DDX17: variants seen among roughly 807,000 people sequenced by gnomAD.
DDX17 encodes the protein DEAD-box helicase 17.
A neutral mutation model predicts 80.8 loss-of-function variants in DDX17; 10 were observed. The ratio of observed to expected loss-of-function variants is 0.12; its 90% confidence interval spans 0.08 to 0.21. The LOEUF (loss-of-function observed/expected upper bound fraction) is 0.21. Ranked by LOEUF, DDX17 falls within the 10% of genes least tolerant of loss-of-function variation. The pLI is 1.00. For synonymous variants in DDX17, 339 were observed against 336.2 expected, an observed-to-expected ratio of 1.01 and a Z score of -0.09; for missense variants, 586 against 957.4, an observed-to-expected ratio of 0.61 and a Z score of 5.12.
chr22:38,494,523 A>C, intron 8 of DDX17, 107 bp downstream of exon 8: 1 of 990,984 alleles, frequency 1.0e-6, no homozygotes, highest in Non-Finnish European at 1.5e-6. Context: ...CAATGCTTTT[A>C]ATGTTCTCAG....
intron 11 of DDX17, 103 bp from the exon 12 acceptor site, chr22:38,488,218 C>A: frequency 1.3e-6 from 2 of 1,598,246 alleles, no homozygotes; most frequent in Non-Finnish European, 1.7e-6. Context: ...CAGATGACAG[C>A]AAGAGGAAAG....
intron 10 of DDX17, 34 bp downstream of exon 10, chr22:38,493,676 G>A (rs370859271): frequency 1.3e-4 from 201 of 1,521,914 alleles, no homozygotes; most frequent in Non-Finnish European, 1.8e-4. Flanking sequence ...CAGGGGGTGG[G>A]GAATCAACAG....
rs201107229 is a variant in DDX17 at position 38,497,793 on chromosome 22, C to CA, written c.738+291dup. On this transcript the variant is annotated intron_variant, in intron 5 of 12. Transcript: ENST00000403230. ...AACACAAAAAATCAAAACAAAAAAA[C>CA]AAAAAAAACCACACCAAAACCAGAA... is the stretch of plus-strand genomic sequence containing the variant. Among the ~76,000 whole-genome samples, 216 of 150,996 alleles carry CA rather than the reference C, an allele frequency of 1.4e-3. 4 individuals carry two copies. In the East Asian group the frequency reaches 0.027, roughly 19 times the overall value.
intron 6 of DDX17, among the ~76,000 whole-genome samples, chr22:38,495,402 C>T (rs141033686): frequency 1.5e-3 from 223 of 152,228 alleles, no homozygotes; most frequent in Non-Finnish European, 2.6e-3. Flanking sequence ...CCTGCCACCA[C>T]GCCTGGCTAA....
At chr22:38,495,444 A>G (rs990897978) in intron 6 of DDX17, among the ~76,000 whole-genome samples, 4 of 151,994 alleles carry the variant, frequency 2.6e-5, no homozygotes, top group Non-Finnish European at 5.9e-5. Context: ...ACGGGGTTTC[A>G]CCATGTTAGC....
At chr22:38,490,100 T>G in intron 11 of DDX17, 1 of 1,115,104 alleles carries the variant, frequency 9.0e-7, no homozygotes, top group Non-Finnish European at 1.1e-6. Flanking sequence ...GTGTCCTGTG[T>G]GTGCATGCAC....
At chr22:38,501,066 A>G (rs569869664) in intron 2 of DDX17, 64 bp downstream of exon 2, 1 of 1,546,566 alleles carries the variant, frequency 6.5e-7, no homozygotes, top group African/African-American at 1.4e-5. Flanking sequence ...CGTATGAATA[A>G]ACTCTAACCA....
At position 38,484,402 on chromosome 22, in the gene DDX17, C is replaced by T. The variant is rs1438190543; in HGVS notation, c.*1533G>A. The T allele has an allele frequency of 6.6e-6, 1 of 152,212 alleles. No individual in the cohort carries two copies. Among genetic ancestry groups the T allele is most frequent in the Admixed American group, 6.5e-5 (1 of 15,290 alleles). The allele number at this position is 152,212 out of a possible 1,614,324, so 9.4% of individuals were successfully genotyped here. A position where few individuals can be genotyped will look rare whatever the true frequency, so the allele number is the denominator to read the frequency against. The stretch of plus-strand genomic sequence containing the variant: ...TTTCAGAACCCCTCAGAAACCATCC[C>T]TCTCTCCCTAAAGAATTTTAAAAGG... On this transcript the variant is annotated 3_prime_UTR_variant, in exon 13 of 13. Coordinates refer to ENST00000403230, the MANE Select transcript of DDX17 (RefSeq NM_006386.5).
rs375397274 is a variant in DDX17 at position 38,494,068 on chromosome 22, C to T, written c.1278G>A (p.Glu426=). 1 of 1,614,082 alleles carries T rather than the reference C, an allele frequency of 6.2e-7. No homozygotes were observed. Among genetic ancestry groups the T allele is most frequent in the African/African-American group, 1.3e-5 (1 of 75,046 alleles). ...TCAGATCATCACAGCGTCTCTTTGT[C>T]TCCACAAATATTATTGTTTTGTTTT... Residue 426 remains glutamate, a synonymous_variant, in exon 9 of 13, where the codon GAG becomes GAA. Coordinates refer to ENST00000403230, the MANE Select transcript of DDX17 (RefSeq NM_006386.5).
intron 10 of DDX17, 52 bp from the exon 11 acceptor site, chr22:38,492,167 T>C (rs746050335): frequency 6.8e-7 from 1 of 1,473,408 alleles, no homozygotes; most frequent in Non-Finnish European, 9.4e-7. Context: ...TGCTATCTGA[T>C]CTGTTTACAT....
chr22:38,498,656 GAAGAT>G (rs2089794008), intron 3 of DDX17, 83 bp from the exon 4 acceptor site: 3 of 1,461,112 alleles, frequency 2.1e-6, no homozygotes, highest in African/African-American at 2.8e-5. Flanking sequence ...TAAGCTCACT[GAAGAT>G]AAGATTTACC....
rs766531214 is a variant in DDX17, at chr22:38,501,332, G to C, written c.288-52C>G. The C allele has an allele frequency of 3.2e-6, 5 of 1,559,446 alleles. No homozygotes were observed. The South Asian group carries it at 6.0e-5, about 19-fold the overall frequency. On this transcript the variant is annotated intron_variant, in intron 1 of 12. Coordinates refer to ENST00000403230, the MANE Select transcript of DDX17 (RefSeq NM_006386.5). ...ATCAGTATTTTTAAAGCAACGTATC[G>C]TACATGCCATAAGAATATTCAAAAA...
In DDX17 at chr22:38,486,088, A is replaced by C. The variant is rs1317011639; in HGVS notation, c.2037T>G (p.Phe679Leu). Reference sequence around the variant, plus strand: ...GCTGCCCAGACCGGCCTATCCCACTAAACTGCTGGCTAGAGCTCTGTGAAC... The same window carrying C: ...GCTGCCCAGACCGGCCTATCCCACTCAACTGCTGGCTAGAGCTCTGTGAAC... The change falls in exon 13 of 13, where the codon TTT becomes TTG. Residue 679 changes from phenylalanine (F) to leucine (L), a missense_variant. Physicochemically the swap from Phe to Leu is conservative, Grantham distance 22. Around this residue, in one of 4 missense-constraint regions of DDX17, gnomAD observed 221 missense variants for 261.4 expected, o/e 0.85. Transcript: ENST00000403230. 3 of 1,614,138 alleles carry C rather than the reference A, an allele frequency of 1.9e-6. No homozygotes were observed. The highest frequency in any genetic ancestry group is 1.7e-5 in the Admixed American group (1 of 60,016).
At chr22:38,495,180 A>C (rs1602677264) in intron 6 of DDX17, 134 bp from the exon 7 acceptor site, 3 of 761,354 alleles carry the variant, frequency 3.9e-6, no homozygotes, top group Non-Finnish European at 6.1e-6. Context: ...ACATAGCAAG[A>C]CCCCGACTCT....
Position 38,489,689 on chromosome 22 carries a change from C to T in DDX17, c.1448-1574G>A. 1 of 985,084 alleles carries T rather than the reference C, an allele frequency of 1.0e-6. No individual in the cohort carries two copies. Among genetic ancestry groups the T allele is most frequent in the Non-Finnish European group, 1.2e-6 (1 of 829,890 alleles). 61.0% of individuals were successfully genotyped at this position (985,084 alleles called of 1,614,324 possible). A position where few individuals can be genotyped will look rare whatever the true frequency, so the allele number is the denominator to read the frequency against. ...GGGGCATTATGTCTGTTTCTTATTA[C>T]AATAAAGGCTCCTCGGTCTTTACTG... On this transcript the variant is annotated intron_variant, in intron 11 of 12. Coordinates refer to ENST00000403230, the MANE Select transcript of DDX17 (RefSeq NM_006386.5). The surrounding 1 kb of genome is among the most constrained non-coding windows in gnomAD (Gnocchi z 4.6).
Position 38,486,437 on chromosome 22 carries a change from C to G in DDX17, c.1688G>C (p.Gly563Ala), listed in dbSNP as rs1430992452. 3 of 1,603,808 alleles carry G rather than the reference C, an allele frequency of 1.9e-6. No individual in the cohort carries two copies. The African/African-American group carries it at 4.0e-5, about 21-fold the overall frequency. ...AGAAGTGGTCCGGTAACGAGAACGA[C>G]CACCTAATGGGAAGATACAAGAAGA... The change falls in exon 13 of 13, where the codon GGT becomes GCT. Residue 563 changes from glycine to alanine, a missense_variant. Transcript: ENST00000403230.
At chr22:38,490,182 T>C in intron 11 of DDX17, 1 of 1,192,354 alleles carries the variant, frequency 8.4e-7, no homozygotes, top group Non-Finnish European at 1.1e-6. Flanking sequence ...TGATGTTATC[T>C]GTGCACTGCC....
Position 38,489,273 on chromosome 22 carries a change from C to T in DDX17, c.1448-1158G>A. ...TTTGGGAAACCGCTGCAGCCGATCCCGTCTCTTTGCCTTTTATTTTTGGCG... is the reference window on the plus strand; with the variant it reads ...TTTGGGAAACCGCTGCAGCCGATCCTGTCTCTTTGCCTTTTATTTTTGGCG... On this transcript the variant is annotated intron_variant, in intron 11 of 12. Transcript: ENST00000403230. This position sits in a 1 kb window ranked among gnomAD's most constrained non-coding sequence, Gnocchi z 4.6. 1.0e-6 allele frequency: 1 copy of T among 985,796 alleles called. No individual in the cohort carries two copies. Among genetic ancestry groups the T allele is most frequent in the Non-Finnish European group, 1.2e-6 (1 of 829,922 alleles). 61.1% of individuals were successfully genotyped at this position (985,796 alleles called of 1,614,324 possible).
At chr22:38,498,348 T>G in intron 4 of DDX17, 92 bp downstream of exon 4, 1 of 1,548,390 alleles carries the variant, frequency 6.5e-7, no homozygotes, top group Non-Finnish European at 8.8e-7. Flanking sequence ...ACTATCTGAA[T>G]GGCACTTCTA....
Sources: gnomAD v4.1 joint callset for allele counts (sites outside exome capture counted in the v4.1 genomes callset) on GRCh38, gnomAD v4.1.1 for gene constraint, gnomAD v4.1.1 regional missense constraint, Gnocchi (gnomAD v3.1) non-coding constraint, MANE v1.5 for transcripts, NCBI Gene and HGNC (gene_info 2026-07-23, HGNC 2026-07-21) for gene names.